MTMR12: variants seen among roughly 807,000 people sequenced by gnomAD.
The protein encoded by MTMR12 is myotubularin related protein 12.
Under a neutral mutation model 96.7 loss-of-function variants are expected in MTMR12, and 33 were observed. The ratio of observed to expected loss-of-function variants is 0.34; its 90% confidence interval spans 0.26 to 0.46. The LOEUF (loss-of-function observed/expected upper bound fraction) is 0.46. MTMR12 is among the 20% of genes least tolerant of loss of function. The pLI is 1.00. For missense variants in MTMR12, 721 were observed against 896.1 expected (o/e 0.80, Z 2.49); for synonymous variants, 298 against 327.2 (o/e 0.91, Z 0.96).
intron 1 of MTMR12, among the ~76,000 whole-genome samples, chr5:32,283,876 C>T (rs1342125624): frequency 1.3e-5 from 2 of 152,236 alleles, no homozygotes; most frequent in African/African-American, 4.8e-5. Flanking sequence ...ACTCACTCCA[C>T]TGGGTCCTCT....
chr5:32,235,017 A>AAGC lies in MTMR12; in HGVS notation c.1456_1457insGCT (p.Ile486delinsSerLeu). The AAGC allele has an allele frequency of 6.8e-6, 11 of 1,613,974 alleles. No individual in the cohort carries two copies. The highest frequency in any genetic ancestry group is 8.5e-6 in the Non-Finnish European group (10 of 1,179,818). On this transcript the variant is annotated protein_altering_variant, in exon 14 of 16. Transcript: ENST00000382142. ...GAAGAAGAAGGTGCTAAAAATAGGT[A>AAGC]TATACAGGCTATCTGACAAAACAGT...
intron 6 of MTMR12, among the ~76,000 whole-genome samples, chr5:32,264,122 C>T (rs1388520356): frequency 2.6e-5 from 4 of 152,192 alleles, no homozygotes; most frequent in Admixed American, 6.5e-5. Flanking sequence ...CTTCTATCCC[C>T]AACCCGGCCC....
chr5:32,236,803 C>T (rs187490566), intron 13 of MTMR12, among the ~76,000 whole-genome samples: 1 of 148,072 alleles, frequency 6.8e-6, no homozygotes, highest in African/African-American at 2.5e-5. Flanking sequence ...TGCCATTGCA[C>T]TCCAGCCTGG....
rs1440788724 is a variant in MTMR12, at chr5:32,268,813, A to T, written c.490-19T>A. 2 of 1,576,698 alleles carry T rather than the reference A, an allele frequency of 1.3e-6. No homozygotes were observed. Among genetic ancestry groups the T allele is most frequent in the Non-Finnish European group, 1.7e-6 (2 of 1,146,128 alleles). On this transcript the variant is annotated intron_variant, in intron 5 of 15. Coordinates refer to ENST00000382142, the MANE Select transcript of MTMR12 (RefSeq NM_001040446.3). ...TGACAATCTAAAAAAGAATCGAACAATGGATATAGTTATGGTTTTGACAGA... is the reference window on the plus strand; with the variant it reads ...TGACAATCTAAAAAAGAATCGAACATTGGATATAGTTATGGTTTTGACAGA...
At chr5:32,296,858 T>G (rs933849434) in intron 1 of MTMR12, among the ~76,000 whole-genome samples, 1 of 150,078 alleles carries the variant, frequency 6.7e-6, no homozygotes, top group African/African-American at 2.5e-5. Context: ...ATCCCAGCAC[T>G]TTGGGAGGCC....
At chr5:32,265,334 A>C (rs1749547402) in intron 6 of MTMR12, among the ~76,000 whole-genome samples, 1 of 152,252 alleles carries the variant, frequency 6.6e-6, no homozygotes, top group Admixed American at 6.5e-5. Flanking sequence ...TCTGGCACAA[A>C]AAGCCACCAG....
chr5:32,250,462 C>T (rs775448756), intron 8 of MTMR12, among the ~76,000 whole-genome samples: 3 of 152,190 alleles, frequency 2.0e-5, no homozygotes, highest in Non-Finnish European at 2.9e-5. Context: ...AATCAAAGGG[C>T]CCTTTGCTGT....
At position 32,233,903 on chromosome 5, in the gene MTMR12, G is replaced by A; in HGVS notation, c.1544C>T (p.Pro515Leu). The change falls in exon 15 of 16, where the codon CCT (proline) becomes CTT (leucine). Residue 515 changes from proline to leucine, a missense_variant. Coordinates refer to ENST00000382142, the MANE Select transcript of MTMR12 (RefSeq NM_001040446.3). This position sits in a 1 kb window ranked among gnomAD's most constrained non-coding sequence, Gnocchi z 5.0. The stretch of plus-strand genomic sequence containing the variant: ...ATCCCACACGGTGAGCAGATTCAAA[G>A]GCTTGCTTTGTGTATCCTGGCCTTC... The part of the protein sequence containing the change: ...GREGQDTQSK[P>L]LNLLTVWDWS... The A allele has an allele frequency of 1.2e-6, 2 of 1,614,168 alleles. No individual in the cohort carries two copies. Among genetic ancestry groups the A allele is most frequent in the Non-Finnish European group, 1.7e-6 (2 of 1,180,034 alleles).
At chr5:32,270,986 T>C in intron 4 of MTMR12, 39 bp from the exon 5 acceptor site, 1 of 1,585,002 alleles carries the variant, frequency 6.3e-7, no homozygotes, top group Non-Finnish European at 8.6e-7. Flanking sequence ...GAAATTATGT[T>C]ACACAGCAAT....
At chr5:32,235,562 G>C (rs75923351) in intron 13 of MTMR12, among the ~76,000 whole-genome samples, 2 of 152,056 alleles carry the variant, frequency 1.3e-5, no homozygotes, top group Non-Finnish European at 2.9e-5. Flanking sequence ...AAGTTACGGG[G>C]GGTGGGAGGG....
chr5:32,268,833 G>C (rs1486171548), intron 5 of MTMR12, 39 bp from the exon 6 acceptor site: 1 of 1,527,824 alleles, frequency 6.5e-7, no homozygotes, highest in Non-Finnish European at 9.1e-7. Flanking sequence ...TTATGGTTTT[G>C]ACAGATAAAC....
chr5:32,302,925 T>C (rs6887665), intron 1 of MTMR12, among the ~76,000 whole-genome samples: 3 of 152,146 alleles, frequency 2.0e-5, no homozygotes, highest in Admixed American at 6.5e-5. Flanking sequence ...GCAAAAAATT[T>C]TCTAAGAAAG....
chr5:32,274,504 A>G (rs1237582722), intron 2 of MTMR12, among the ~76,000 whole-genome samples: 1 of 152,224 alleles, frequency 6.6e-6, no homozygotes, highest in Non-Finnish European at 1.5e-5. Context: ...AAGTGAACAC[A>G]GATGGGCTTG....
intron 6 of MTMR12, among the ~76,000 whole-genome samples, chr5:32,266,488 A>G (rs928584899): frequency 6.6e-5 from 10 of 151,472 alleles, no homozygotes; most frequent in Admixed American, 5.9e-4. Flanking sequence ...AGGAGTTCGA[A>G]ATCAGCCTGG....
intron 1 of MTMR12, among the ~76,000 whole-genome samples, chr5:32,293,565 G>A (rs1469955236): frequency 6.6e-6 from 1 of 152,112 alleles, no homozygotes; most frequent in African/African-American, 2.4e-5. Flanking sequence ...ATATATAGGA[G>A]ATATATATCC....
intron 10 of MTMR12, among the ~76,000 whole-genome samples, chr5:32,244,624 A>G (rs1390901589): frequency 6.6e-6 from 1 of 152,188 alleles, no homozygotes; most frequent in Non-Finnish European, 1.5e-5. Context: ...TGCAAACTCA[A>G]ATCAATAAAA....
chr5:32,242,018 G>A (rs1748493947), intron 12 of MTMR12, 39 bp downstream of exon 12: 1 of 1,539,288 alleles, frequency 6.5e-7, no homozygotes, highest in Non-Finnish European at 8.9e-7. Context: ...CTCAAGTGAA[G>A]GAAAATGGAA....
chr5:32,245,497 G>A (rs902750382), intron 10 of MTMR12, among the ~76,000 whole-genome samples: 2 of 152,092 alleles, frequency 1.3e-5, no homozygotes, highest in African/African-American at 2.4e-5. Context: ...AAGTCTTCCT[G>A]GGCATTTTTC....
chr5:32,270,637 C>T (rs1289957412), intron 5 of MTMR12, among the ~76,000 whole-genome samples, 180 bp downstream of exon 5: 1 of 152,188 alleles, frequency 6.6e-6, no homozygotes, highest in Non-Finnish European at 1.5e-5. Flanking sequence ...CAAGATGATA[C>T]ACACGCATGC....
Sources: gnomAD v4.1 joint callset for allele counts (sites outside exome capture counted in the v4.1 genomes callset) on GRCh38, gnomAD v4.1.1 for gene constraint, Gnocchi (gnomAD v3.1) non-coding constraint, MANE v1.5 for transcripts, NCBI Gene and HGNC (gene_info 2026-07-23, HGNC 2026-07-21) for gene names.